Variants in FAM184A observed in about 807,000 individuals in gnomAD.
FAM184A encodes protein FAM184A.
Under a neutral mutation model 143.8 loss-of-function variants are expected in FAM184A, and 99 were observed. The ratio of observed to expected loss-of-function variants is 0.69; its 90% CI spans 0.58 to 0.81. The LOEUF is 0.81. Ranked by LOEUF, FAM184A falls within the 40% of genes least tolerant of loss-of-function variation. FAM184A has a pLI of 0.00. For synonymous variants in FAM184A, 427 were observed against 446.4 expected (o/e 0.96, Z 0.55); for missense variants, 1,217 against 1,310.5 (o/e 0.93, Z 1.10).
intron 9 of FAM184A, among the ~76,000 whole-genome samples, chr6:118,995,605 A>G (rs1399737559): frequency 2.0e-5 from 3 of 152,158 alleles, no homozygotes; most frequent in African/African-American, 7.2e-5. Context: ...AAAGTCACAA[A>G]CTGTTGTTCG....
intron 1 of FAM184A, among the ~76,000 whole-genome samples, chr6:119,146,303 G>A (rs138678633): frequency 1.3e-3 from 199 of 152,038 alleles, no homozygotes; most frequent in South Asian, 2.7e-3. Flanking sequence ...ACACTGGCCC[G>A]CAGTGTGCTC....
chr6:118,962,733 T>A (rs1400090798), intron 16 of FAM184A: 2 of 152,128 alleles, frequency 1.3e-5, no homozygotes, highest in East Asian at 1.9e-4. Flanking sequence ...CACTGCAGAT[T>A]ATCAAAATCT....
At chr6:119,126,390 C>A (rs1053471238) in intron 1 of FAM184A, among the ~76,000 whole-genome samples, 2 of 152,236 alleles carry the variant, frequency 1.3e-5, no homozygotes, top group African/African-American at 4.8e-5. Context: ...TTTTCCCTGA[C>A]CCCTTTGCAG....
intron 1 of FAM184A, among the ~76,000 whole-genome samples, chr6:119,142,992 G>A (rs1772297439): frequency 6.6e-6 from 1 of 152,142 alleles, no homozygotes; most frequent in African/African-American, 2.4e-5. Context: ...GGGCACCAGG[G>A]GTTTCTGGGA....
At chr6:118,980,115 A>T (rs1045795571) in intron 10 of FAM184A, 23 bp downstream of exon 10, 1 of 1,598,766 alleles carries the variant, frequency 6.3e-7, no homozygotes, top group South Asian at 1.1e-5. Context: ...GTTACATTTG[A>T]ACGTATGTCA....
At chr6:119,086,658 T>A (rs2114814300) in intron 1 of FAM184A, among the ~76,000 whole-genome samples, 1 of 152,312 alleles carries the variant, frequency 6.6e-6, no homozygotes, top group African/African-American at 2.4e-5. Flanking sequence ...TCAAGATTAC[T>A]TATGGAAGGG....
chr6:119,077,214 A>G lies in FAM184A; in HGVS notation c.159+927T>C, dbSNP rs144398480. 1.7e-3 allele frequency among the ~76,000 whole-genome samples: 257 copies of G among 152,334 alleles called. 1 individual carries two copies. The highest frequency in any genetic ancestry group is 5.7e-3 in the African/African-American group (237 of 41,578). On this transcript the variant is annotated intron_variant, in intron 1 of 17. Coordinates refer to ENST00000338891, the MANE Select transcript of FAM184A (RefSeq NM_024581.6). ...AGAACTTTACAGTTGAGTCAGACTCAGAGGCTATCTAGCAGTAACCCCCAC... is the reference window on the plus strand; with the variant it reads ...AGAACTTTACAGTTGAGTCAGACTCGGAGGCTATCTAGCAGTAACCCCCAC...
At chr6:119,101,793 C>T (rs143327401) in intron 1 of FAM184A, among the ~76,000 whole-genome samples, 2,409 of 152,244 alleles carry the variant, frequency 0.016, 32 homozygotes, top group Non-Finnish European at 0.023. Context: ...CGGTGACTCA[C>T]GCCTGTAATC....
intron 1 of FAM184A, among the ~76,000 whole-genome samples, chr6:119,057,567 C>G (rs960118534): frequency 4.6e-5 from 7 of 151,962 alleles, no homozygotes; most frequent in African/African-American, 1.7e-4. Context: ...AGTGAGACCC[C>G]CAACTGTACA....
Position 119,096,433 on chromosome 6 carries a change from G to A in FAM184A, c.-202+52645C>T, listed in dbSNP as rs1191685211. Among the ~76,000 whole-genome samples, 2 of 33,394 alleles carry A rather than the reference G, an allele frequency of 6.0e-5. 1 individual carries two copies. Among genetic ancestry groups the A allele is most frequent in the South Asian group, 2.3e-3 (2 of 872 alleles). 21.9% of individuals were successfully genotyped at this position (33,394 alleles called of 152,430 possible). On this transcript the variant is annotated intron_variant, in intron 1 of 16. Transcript: ENST00000352896. ...GGGTGGATCATGAGGTCAGGAGATC[G>A]AGACCATCCTGGCTAACAAGGTGAA...
intron 7 of FAM184A, chr6:119,006,203 C>T (rs771743458): frequency 1.3e-6 from 1 of 764,322 alleles, no homozygotes; most frequent in South Asian, 1.3e-5. Context: ...CGGATCTTCC[C>T]TTAGAGTTTA....
intron 1 of FAM184A, among the ~76,000 whole-genome samples, chr6:119,096,916 G>C (rs1304417057): frequency 6.6e-6 from 1 of 152,148 alleles, no homozygotes; most frequent in African/African-American, 2.4e-5. Flanking sequence ...AGAACTTAGA[G>C]ACAAAGCAAA....
chr6:118,997,320 A>T (rs1431665434), intron 9 of FAM184A, among the ~76,000 whole-genome samples: 2 of 77,958 alleles, frequency 2.6e-5, no homozygotes, highest in Non-Finnish European at 5.7e-5. Flanking sequence ...GTGAAACTCC[A>T]TCTCAAAAAA....
chr6:118,970,008 A>ATATATTTTT lies in FAM184A; in HGVS notation c.2916-3057_2916-3056insAAAAATATA. On this transcript the variant is annotated intron_variant, in intron 14 of 17. Coordinates refer to ENST00000338891, the MANE Select transcript of FAM184A (RefSeq NM_024581.6). ...ATATATATATAATATATATATATATATTTTTTTTTTTTTGAGATGGAGTTT... is the reference window on the plus strand; with the variant it reads ...ATATATATATAATATATATATATATATATATTTTTTTTTTTTTTTTTTGAGATGGAGTTT... Among the ~76,000 whole-genome samples the ATATATTTTT allele has an allele frequency of 2.6e-4, 5 of 19,052 alleles. 1 individual carries two copies. The highest frequency in any genetic ancestry group is 6.2e-4 in the African/African-American group (4 of 6,490). The allele number at this position is 19,052 out of a possible 152,430, so 12.5% of individuals were successfully genotyped here. A position where few individuals can be genotyped will look rare whatever the true frequency, so the allele number is the denominator to read the frequency against.
intron 15 of FAM184A, 117 bp from the exon 16 acceptor site, chr6:118,964,888 A>G (rs1783449774): frequency 1.7e-6 from 1 of 592,218 alleles, no homozygotes; most frequent in Admixed American, 3.0e-5. Context: ...GAAGATTTAG[A>G]TACTTTGTTT....
At chr6:119,128,846 C>T (rs1459274352) in intron 1 of FAM184A, among the ~76,000 whole-genome samples, 1 of 151,702 alleles carries the variant, frequency 6.6e-6, no homozygotes, top group Non-Finnish European at 1.5e-5. Flanking sequence ...GGGGAGGGGC[C>T]CTGGAATTTG....
chr6:119,136,295 A>AAAG (rs1387484004), intron 1 of FAM184A, among the ~76,000 whole-genome samples: 1 of 151,432 alleles, frequency 6.6e-6, no homozygotes, highest in African/African-American at 2.4e-5. Flanking sequence ...AAAAAAAAAA[A>AAAG]AAAAAAAAAA....
chr6:119,029,036 T>TATAGGGACACTAAGGAAAAACA (rs1471940131), intron 1 of FAM184A, among the ~76,000 whole-genome samples: 1 of 152,188 alleles, frequency 6.6e-6, no homozygotes, highest in Non-Finnish European at 1.5e-5. Context: ...TCCTATCTCA[T>TATAGGGACACTAAGGAAAAACA]ATAGGGACAC....
chr6:119,112,527 C>A (rs1002077703), intron 1 of FAM184A, among the ~76,000 whole-genome samples: 3 of 152,112 alleles, frequency 2.0e-5, no homozygotes, highest in African/African-American at 7.2e-5. Context: ...AGTTTTCTGG[C>A]CATTGAAAGT....
Sources: allele counts gnomAD v4.1 joint callset (sites outside exome capture counted in the v4.1 genomes callset), GRCh38; gene constraint gnomAD v4.1.1; transcripts MANE v1.5; gene names NCBI Gene and HGNC (gene_info 2026-07-23, HGNC 2026-07-21).